Variants in CPQ observed in about 807,000 individuals in gnomAD.
CPQ encodes carboxypeptidase Q, also known as Ser-Met dipeptidase.
In CPQ, 37 loss-of-function variants were observed where a neutral mutation model predicts 45.7. The ratio of observed to expected loss-of-function variants is 0.81; its 90% confidence interval spans 0.62 to 1.07. The LOEUF (loss-of-function observed/expected upper bound fraction) is 1.07. CPQ is among the 50% of genes least tolerant of loss of function. CPQ has a pLI of 0.00. For synonymous variants in CPQ, 186 were observed against 205.8 expected, an observed-to-expected ratio of 0.90 and a Z score of 0.82; for missense variants, 537 against 572.9, an observed-to-expected ratio of 0.94 and a Z score of 0.64.
intron 1 of CPQ, among the ~76,000 whole-genome samples, chr8:96,672,827 G>A (rs559975630): frequency 6.6e-6 from 1 of 152,152 alleles, no homozygotes; most frequent in Non-Finnish European, 1.5e-5. Flanking sequence ...AGAAGTGAAT[G>A]TTGTTTCTTT....
intron 2 of CPQ, among the ~76,000 whole-genome samples, chr8:96,813,635 A>T (rs1811186661): frequency 6.6e-6 from 1 of 152,090 alleles, no homozygotes; most frequent in African/African-American, 2.4e-5. Flanking sequence ...GGAAATTATG[A>T]TGAAAACCAG....
At chr8:96,767,700 A>G (rs1470411290) in intron 1 of CPQ, among the ~76,000 whole-genome samples, 4 of 126,774 alleles carry the variant, frequency 3.2e-5, no homozygotes, top group Non-Finnish European at 6.2e-5. Flanking sequence ...CTGGAGTGCA[A>G]TGGTGCGATA....
chr8:96,681,391 G>C (rs1349635533), intron 1 of CPQ, among the ~76,000 whole-genome samples: 1 of 152,218 alleles, frequency 6.6e-6, no homozygotes, highest in Non-Finnish European at 1.5e-5. Context: ...AGCTTGGGCT[G>C]TTGCTTCGCA....
At chr8:96,787,601 C>T (rs1166742014) in intron 2 of CPQ, among the ~76,000 whole-genome samples, 1 of 126,760 alleles carries the variant, frequency 7.9e-6, no homozygotes, top group East Asian at 2.9e-4. Flanking sequence ...CAAAGTGTCA[C>T]CTCACCTTCC....
At chr8:96,820,290 T>C (rs145746079) in intron 2 of CPQ, among the ~76,000 whole-genome samples, 2,057 of 152,196 alleles carry the variant, frequency 0.014, 22 homozygotes, top group South Asian at 0.02. Context: ...TTAAATGTGA[T>C]GTTTGTTCTT....
chr8:96,783,260 A>AGTGTGTGTGTGT (rs71267280), intron 1 of CPQ, among the ~76,000 whole-genome samples: 52 of 147,982 alleles, frequency 3.5e-4, no homozygotes, highest in African/African-American at 1.2e-3. Context: ...TAGTTGTGTG[A>AGTGTGTGTGTGT]GTGTGTGTGT....
intron 7 of CPQ, among the ~76,000 whole-genome samples, chr8:97,126,538 C>T (rs114314218): frequency 0.014 from 2,198 of 152,148 alleles, 50 homozygotes; most frequent in African/African-American, 0.05. Context: ...AAACTACAAA[C>T]ATATGCTGCT....
intron 5 of CPQ, among the ~76,000 whole-genome samples, chr8:96,986,296 G>A (rs115176604): frequency 6.7e-4 from 102 of 152,120 alleles, no homozygotes; most frequent in Middle Eastern, 3.4e-3. Context: ...TTTTCATATC[G>A]GATTAGAAAA....
chr8:96,771,090 ATTATATATATATAAATATATATAT>A (rs1810537469), intron 1 of CPQ, among the ~76,000 whole-genome samples: 1 of 146,128 alleles, frequency 6.8e-6, no homozygotes, highest in South Asian at 2.1e-4. Flanking sequence ...ATATATATAT[ATTATATATATATAAATATATATAT>A]TTATATATTT....
At chr8:96,844,092 A>T (rs1217978468) in intron 3 of CPQ, among the ~76,000 whole-genome samples, 1 of 152,166 alleles carries the variant, frequency 6.6e-6, no homozygotes, top group African/African-American at 2.4e-5. Context: ...TCATTGTGGC[A>T]TGTTTTTCTG....
chr8:97,135,809 G>A (rs1398056848), intron 7 of CPQ, among the ~76,000 whole-genome samples: 1 of 152,210 alleles, frequency 6.6e-6, no homozygotes, highest in Admixed American at 6.5e-5. Context: ...GCCAGTATAT[G>A]CACTAAAATA....
chr8:96,703,789 A>G (rs1017953371), intron 1 of CPQ, among the ~76,000 whole-genome samples: 2 of 152,136 alleles, frequency 1.3e-5, no homozygotes, highest in African/African-American at 4.8e-5. Flanking sequence ...TGGGTATCCT[A>G]TACTCTGTTT....
At chr8:96,848,031 A>G (rs1009530220) in intron 3 of CPQ, among the ~76,000 whole-genome samples, 1 of 151,282 alleles carries the variant, frequency 6.6e-6, no homozygotes, top group Non-Finnish European at 1.5e-5. Context: ...ACCCACTCCA[A>G]CCTCCCCATG....
At chr8:96,673,485 A>G (rs753245130) in intron 1 of CPQ, among the ~76,000 whole-genome samples, 4 of 152,168 alleles carry the variant, frequency 2.6e-5, no homozygotes, top group Non-Finnish European at 5.9e-5. Context: ...GGGAGGGGAC[A>G]AATCAGAGGT....
intron 1 of CPQ, among the ~76,000 whole-genome samples, chr8:96,670,790 G>A (rs771031134): frequency 7.5e-6 from 1 of 134,228 alleles, no homozygotes; most frequent in African/African-American, 2.8e-5. Context: ...TTATATACAC[G>A]TTTCTATTTA....
chr8:96,753,996 C>G (rs902434392), intron 1 of CPQ, among the ~76,000 whole-genome samples: 4 of 151,696 alleles, frequency 2.6e-5, no homozygotes, highest in African/African-American at 7.3e-5. Flanking sequence ...CTTATTTGAC[C>G]TAGTGATGCA....
At chr8:96,849,176 T>C (rs1563512343) in intron 3 of CPQ, among the ~76,000 whole-genome samples, 1 of 152,242 alleles carries the variant, frequency 6.6e-6, no homozygotes, top group Non-Finnish European at 1.5e-5. Context: ...CTATTTTGCA[T>C]GACTTCCTTA....
At chr8:96,960,083 TAAAAG>T (rs1005915554) in intron 4 of CPQ, among the ~76,000 whole-genome samples, 1 of 152,164 alleles carries the variant, frequency 6.6e-6, no homozygotes, top group Non-Finnish European at 1.5e-5. Flanking sequence ...TGAAGGGAGT[TAAAAG>T]CTAAGCATGC....
chr8:96,879,979 A>G lies in CPQ; in HGVS notation c.823A>G (p.Ile275Val). The part of the protein sequence containing the change: ...DTDSFNTVAE[I>V]TGSKYPEQVV... ...TGATTCCTTCAACACTGTAGCAGAGATCACTGGGAGCAAATATCCAGAACA... is the reference window on the plus strand; with the variant it reads ...TGATTCCTTCAACACTGTAGCAGAGGTCACTGGGAGCAAATATCCAGAACA... The change falls in exon 4 of 8, where the codon ATC (isoleucine) becomes GTC (valine). Residue 275 changes from isoleucine to valine, a missense_variant. By Grantham distance (29) the Ile-to-Val change is conservative. Transcript: ENST00000220763. 5.0e-6 allele frequency: 8 copies of G among 1,614,014 alleles called. No homozygotes were observed. The highest frequency in any genetic ancestry group is 6.8e-6 in the Non-Finnish European group (8 of 1,179,894).
Sources: allele counts gnomAD v4.1 joint callset (sites outside exome capture counted in the v4.1 genomes callset), GRCh38; gene constraint gnomAD v4.1.1; transcripts MANE v1.5; gene names NCBI Gene and HGNC (gene_info 2026-07-23, HGNC 2026-07-21).